The following FBN2 variants were observed in gnomAD, a reference collection of about 807,000 sequenced individuals.
The protein encoded by FBN2 is fibrillin 2.
FBN2 carries 105 observed loss-of-function variants against 355.6 expected under a neutral mutation model. The ratio of observed to expected loss-of-function variants is 0.30; its 90% CI spans 0.25 to 0.35. FBN2 has a LOEUF of 0.35. FBN2 is among the 10% of genes least tolerant of loss of function. The pLI is 1.00. For missense variants in FBN2, 3,280 were observed against 3,758.7 expected (o/e 0.87, Z 3.33); for synonymous variants, 1,350 against 1,301.2 (o/e 1.04, Z -0.81).
chr5:128,275,626 ATAC>A lies in FBN2; in HGVS notation c.7594+409_7594+411del, dbSNP rs575621589. On this transcript the variant is annotated intron_variant, in intron 59 of 64. Coordinates refer to ENST00000262464, the MANE Select transcript of FBN2 (RefSeq NM_001999.4). ...TTAGCTTGATAAATAATTACTTTTG[ATAC>A]TACCTAAGCAAAAAATTTAAATTTA... Among the ~76,000 whole-genome samples the A allele has an allele frequency of 3.9e-5, 6 of 152,226 alleles. No homozygotes were observed. The East Asian group carries it at 1.2e-3, about 29-fold the overall frequency.
chr5:128,389,338 C>A (rs775313355), intron 11 of FBN2, among the ~76,000 whole-genome samples: 6 of 152,186 alleles, frequency 3.9e-5, no homozygotes, highest in Non-Finnish European at 7.3e-5. Flanking sequence ...GGCAGAGGCC[C>A]ATCTGCTGAA....
intron 7 of FBN2, among the ~76,000 whole-genome samples, chr5:128,445,045 G>A (rs145701673): frequency 1.5e-3 from 234 of 152,300 alleles, no homozygotes; most frequent in African/African-American, 5.5e-3. Context: ...GCAGATCCCT[G>A]AGTTTTTGGT....
rs540233477 is a variant in FBN2, at chr5:128,453,996, C to T, written c.827-7390G>A. Among the ~76,000 whole-genome samples, 37 of 151,408 alleles carry T rather than the reference C, an allele frequency of 2.4e-4. 1 individual carries two copies. In the South Asian group the frequency reaches 6.6e-3, roughly 27 times the overall value. ...GAATACTCAGAAATGGCTTGCCCCCCCCCCAAGTTTCTCCTTCCATTACCC... is the reference window on the plus strand; with the variant it reads ...GAATACTCAGAAATGGCTTGCCCCCTCCCCAAGTTTCTCCTTCCATTACCC... On this transcript the variant is annotated intron_variant, in intron 6 of 64. Coordinates refer to ENST00000262464, the MANE Select transcript of FBN2 (RefSeq NM_001999.4).
chr5:128,296,942 T>C (rs980564555), intron 48 of FBN2, among the ~76,000 whole-genome samples: 7 of 152,242 alleles, frequency 4.6e-5, no homozygotes, highest in Admixed American at 1.3e-4. Context: ...GGTGTCAATT[T>C]TGGAACTTTC....
chr5:128,366,533 T>G (rs925050380), intron 16 of FBN2, 103 bp from the exon 17 acceptor site: 4 of 658,100 alleles, frequency 6.1e-6, no homozygotes, highest in Middle Eastern at 3.5e-4. Context: ...GAATTATTTG[T>G]GCATTAGTTT....
At chr5:128,320,028 C>T (rs1246215108) in intron 34 of FBN2, among the ~76,000 whole-genome samples, 1 of 152,074 alleles carries the variant, frequency 6.6e-6, no homozygotes, top group Non-Finnish European at 1.5e-5. Context: ...TTGGTTTCAA[C>T]TATTTTAGAT....
At chr5:128,507,893 G>T (rs1165299224) in intron 5 of FBN2, among the ~76,000 whole-genome samples, 1 of 151,906 alleles carries the variant, frequency 6.6e-6, no homozygotes, top group Non-Finnish European at 1.5e-5. Context: ...ATTAATTATG[G>T]ATTTGTCTAC....
chr5:128,473,783 CGT>C (rs1561474134), intron 5 of FBN2, among the ~76,000 whole-genome samples: 1 of 152,126 alleles, frequency 6.6e-6, no homozygotes, highest in Non-Finnish European at 1.5e-5. Flanking sequence ...TCCATCTAGC[CGT>C]GTTACACCAG....
chr5:128,427,777 G>A (rs331084), intron 7 of FBN2, among the ~76,000 whole-genome samples: 50,864 of 151,910 alleles, frequency 0.33, 10,038 homozygotes, highest in African/African-American at 0.53. Context: ...CCATTGGAGA[G>A]TCCGGGTCTG....
chr5:128,350,927 G>T lies in FBN2; in HGVS notation c.2753C>A (p.Ser918Tyr), dbSNP rs761190567. 2 of 1,614,200 alleles carry T rather than the reference G, an allele frequency of 1.2e-6. No individual in the cohort carries two copies. The highest frequency in any genetic ancestry group is 1.7e-6 in the Non-Finnish European group (2 of 1,180,028). ...GGCTCCGAGGGTGGCACAGCATTCAGATTTCAGAGTGGCTCCATTAATATT... is the reference window on the plus strand; with the variant it reads ...GGCTCCGAGGGTGGCACAGCATTCATATTTCAGAGTGGCTCCATTAATATT... ...EVNINGATLKSECCATLGAAW... is the reference protein window; with the variant it reads ...EVNINGATLKYECCATLGAAW... The change falls in exon 21 of 65, where the codon TCT becomes TAT. Residue 918 changes from serine (S) to tyrosine (Y), a missense_variant. By Grantham distance (144) the Ser-to-Tyr change is moderately radical. Coordinates refer to ENST00000262464, the MANE Select transcript of FBN2 (RefSeq NM_001999.4).
chr5:128,259,844 G>C lies in FBN2; in HGVS notation c.8365-15C>G, dbSNP rs1448864413. On this transcript the variant is annotated splice_polypyrimidine_tract_variant and intron_variant, in intron 64 of 64. Transcript: ENST00000262464. ...ATCTGTTCAACCTGGAGGAAGAACA[G>C]GAAATGATTTGGGACAAGCTTCTAC... 6.2e-7 allele frequency: 1 copy of C among 1,613,100 alleles called. No homozygotes were observed. Among genetic ancestry groups the C allele is most frequent in the Non-Finnish European group, 8.5e-7 (1 of 1,179,850 alleles).
chr5:128,464,048 G>A lies in FBN2; in HGVS notation c.826+676C>T, dbSNP rs114524697. Among the ~76,000 whole-genome samples, 323 of 152,194 alleles carry A rather than the reference G, an allele frequency of 2.1e-3. 1 individual carries two copies. The highest frequency in any genetic ancestry group is 7.4e-3 in the African/African-American group (307 of 41,520). On this transcript the variant is annotated intron_variant, in intron 6 of 64. Transcript: ENST00000262464. ...GTTGCTAGAAAAAGGTAAGAATTGC[G>A]GCAGCTGAAAATTAATTAAAATAAT...
chr5:128,483,710 A>C (rs1018463715), intron 5 of FBN2, among the ~76,000 whole-genome samples: 1 of 149,366 alleles, frequency 6.7e-6, no homozygotes, highest in African/African-American at 2.4e-5. Flanking sequence ...ATTGAAAATG[A>C]GTTGTCTGGT....
At chr5:128,361,953 CTGTGACATAG>C in intron 18 of FBN2, 105 bp from the exon 19 acceptor site, 1 of 1,147,504 alleles carries the variant, frequency 8.7e-7, no homozygotes, top group East Asian at 2.4e-5. Flanking sequence ...TCTTTCTTCT[CTGTGACATAG>C]TCTCTGTATC....
At chr5:128,274,855 T>G (rs1765349852) in intron 59 of FBN2, among the ~76,000 whole-genome samples, 172 bp from the exon 60 acceptor site, 1 of 152,200 alleles carries the variant, frequency 6.6e-6, no homozygotes, top group Non-Finnish European at 1.5e-5. Flanking sequence ...TTTTACATAT[T>G]TAAGCAGAAT....
At chr5:128,461,062 A>G (rs895121371) in intron 6 of FBN2, among the ~76,000 whole-genome samples, 1 of 152,252 alleles carries the variant, frequency 6.6e-6, no homozygotes, top group Non-Finnish European at 1.5e-5. Context: ...TAGAGTGAAC[A>G]GGAAACCTAC....
intron 7 of FBN2, among the ~76,000 whole-genome samples, chr5:128,410,036 T>C (rs908568081): frequency 1.3e-4 from 20 of 152,142 alleles, no homozygotes; most frequent in Admixed American, 9.8e-4. Context: ...CATGTTCTTA[T>C]AAAAAAAGTT....
intron 20 of FBN2, among the ~76,000 whole-genome samples, chr5:128,354,235 G>A (rs1204175621): frequency 2.6e-5 from 4 of 152,146 alleles, no homozygotes; most frequent in Non-Finnish European, 5.9e-5. Flanking sequence ...CTGCAAACCC[G>A]AGAGAAAAAC....
At chr5:128,289,586 AAAATAAATAAAT>A (rs1308738861) in intron 51 of FBN2, among the ~76,000 whole-genome samples, 4 of 152,024 alleles carry the variant, frequency 2.6e-5, no homozygotes, top group Admixed American at 6.6e-5. Context: ...ACTCCACCTC[AAAATAAATAAAT>A]AAATAAATAA....
Sources: allele counts gnomAD v4.1 joint callset (sites outside exome capture counted in the v4.1 genomes callset), GRCh38; gene constraint gnomAD v4.1.1; transcripts MANE v1.5; gene names NCBI Gene and HGNC (gene_info 2026-07-23, HGNC 2026-07-21).